Variants in STK3 observed in about 807,000 individuals in gnomAD.
STK3 encodes serine/threonine-protein kinase 3.
Under a neutral mutation model 58.0 loss-of-function variants are expected in STK3, and 41 were observed. The ratio of observed to expected loss-of-function variants is 0.71; its 90% CI spans 0.55 to 0.92. STK3 has a LOEUF of 0.92. Among genes scored for constraint, STK3 ranks in the 40% least tolerant of loss-of-function variants. The probability of loss-of-function intolerance (pLI) is 0.00; values close to 1 mark genes in which losing one functional copy is unlikely to be tolerated. For missense variants in STK3, 479 were observed against 602.7 expected (o/e 0.79, Z 2.15); for synonymous variants, 170 against 191.0 (o/e 0.89, Z 0.91).
chr8:98,801,335 G>A (rs529370202), intron 1 of STK3, among the ~76,000 whole-genome samples: 1 of 152,224 alleles, frequency 6.6e-6, no homozygotes, highest in South Asian at 2.1e-4. Context: ...TCAGATAAGG[G>A]AATAAAAGCA....
At chr8:98,686,601 A>T (rs545446867) in intron 6 of STK3, among the ~76,000 whole-genome samples, 7 of 152,328 alleles carry the variant, frequency 4.6e-5, no homozygotes, top group African/African-American at 1.7e-4. Flanking sequence ...AAATGTATGA[A>T]ATAACAGATA....
At chr8:98,450,608 G>C (rs1819155066), downstream of STK3, among the ~76,000 whole-genome samples, 1 of 152,174 alleles carries the variant, frequency 6.6e-6, no homozygotes, top group Non-Finnish European at 1.5e-5. Flanking sequence ...ACTGATAAGA[G>C]AGAATATAAT....
At chr8:98,602,178 C>T (rs1816403217) in intron 6 of STK3, 1 of 152,186 alleles carries the variant, frequency 6.6e-6, no homozygotes, top group Non-Finnish European at 1.5e-5. Flanking sequence ...ATGAAAACTA[C>T]CTGAAGGCAA....
chr8:98,774,939 CA>C (rs1831572067), intron 1 of STK3, 120 bp from the exon 2 acceptor site: 1 of 613,574 alleles, frequency 1.6e-6, no homozygotes, highest in Non-Finnish European at 2.6e-6. Flanking sequence ...AAGACTCAAA[CA>C]ATATAAAAAC....
intron 3 of STK3, among the ~76,000 whole-genome samples, chr8:98,851,730 G>A (rs764005320): frequency 6.6e-6 from 1 of 152,208 alleles, no homozygotes; most frequent in Non-Finnish European, 1.5e-5. Context: ...GAAGGTAGAG[G>A]CAGGAGAATC....
chr8:98,620,999 G>A (rs940538110), intron 6 of STK3, among the ~76,000 whole-genome samples: 2 of 147,200 alleles, frequency 1.4e-5, no homozygotes, highest in African/African-American at 2.5e-5. Context: ...GCGGGATCTC[G>A]GCTCACTGCA....
intron 4 of STK3, among the ~76,000 whole-genome samples, chr8:98,728,263 T>TA (rs954926707): frequency 6.6e-6 from 1 of 151,948 alleles, no homozygotes; most frequent in African/African-American, 2.4e-5. Flanking sequence ...TTATAAACAA[T>TA]AAAAAAAGTT....
chr8:98,719,387 G>T (rs188241907), intron 4 of STK3, among the ~76,000 whole-genome samples: 2 of 152,170 alleles, frequency 1.3e-5, no homozygotes, highest in East Asian at 3.9e-4. Flanking sequence ...TATTAACTCT[G>T]ATTTGTTATC....
intron 10 of STK3, among the ~76,000 whole-genome samples, chr8:98,462,241 A>G (rs1196452640): frequency 1.3e-5 from 2 of 152,124 alleles, no homozygotes; most frequent in African/African-American, 4.8e-5. Flanking sequence ...GCTGGAGTGC[A>G]GTGGTGTGAT....
intron 1 of STK3, among the ~76,000 whole-genome samples, chr8:98,816,344 T>C (rs73277859): frequency 0.018 from 2,735 of 152,186 alleles, 77 homozygotes; most frequent in African/African-American, 0.063. Context: ...CAAGACCCCA[T>C]GTCTACAAAT....
chr8:98,346,849 G>T, the STK3 span, among the ~76,000 whole-genome samples: 1 of 151,560 alleles, frequency 6.6e-6, no homozygotes. Flanking sequence ...ATAGATACGG[G>T]TCTACACAAC....
At chr8:98,886,397 G>A (rs897026192) in intron 1 of STK3, among the ~76,000 whole-genome samples, 7 of 152,170 alleles carry the variant, frequency 4.6e-5, no homozygotes, top group African/African-American at 1.4e-4. Context: ...CTCAAAATCT[G>A]AAATTTATTA....
chr8:98,777,238 C>A (rs541963182), intron 1 of STK3, among the ~76,000 whole-genome samples: 1 of 150,542 alleles, frequency 6.6e-6, no homozygotes, highest in African/African-American at 2.4e-5. Context: ...GGTAAAATAG[C>A]AGAAATGGGC....
At chr8:98,699,141 C>T (rs1381490703) in intron 6 of STK3, among the ~76,000 whole-genome samples, 1 of 152,212 alleles carries the variant, frequency 6.6e-6, no homozygotes, top group African/African-American at 2.4e-5. Context: ...CCCTTTCTTC[C>T]AGTTGATCGC....
chr8:98,354,880 C>A, the STK3 span, among the ~76,000 whole-genome samples: 1 of 152,152 alleles, frequency 6.6e-6, no homozygotes, highest in South Asian at 2.1e-4. Flanking sequence ...CAGGTTCAAG[C>A]GATTCTCCTG....
At chr8:98,501,502 T>C (rs982429171) in intron 10 of STK3, among the ~76,000 whole-genome samples, 5 of 152,254 alleles carry the variant, frequency 3.3e-5, no homozygotes, top group African/African-American at 9.6e-5. Flanking sequence ...TGAATGGTAT[T>C]GCCTAGGTTT....
intron 10 of STK3, among the ~76,000 whole-genome samples, chr8:98,492,739 C>G (rs1822798279): frequency 1.3e-5 from 2 of 151,976 alleles, no homozygotes; most frequent in Non-Finnish European, 2.9e-5. Flanking sequence ...AGGTGTCACC[C>G]ACACCCTGAA....
chr8:98,481,661 G>A (rs1020953669), intron 10 of STK3, among the ~76,000 whole-genome samples: 2 of 150,264 alleles, frequency 1.3e-5, no homozygotes, highest in African/African-American at 4.9e-5. Context: ...TAGCAGCCCA[G>A]CTTCACTATT....
chr8:98,774,532 T>G (rs1308721530), intron 2 of STK3, among the ~76,000 whole-genome samples: 6 of 152,168 alleles, frequency 3.9e-5, no homozygotes, highest in Admixed American at 1.3e-4. Context: ...CCCTTATATA[T>G]ATATATGGCC....
Sources: gnomAD v4.1 joint callset for allele counts (sites outside exome capture counted in the v4.1 genomes callset) on GRCh38, gnomAD v4.1.1 for gene constraint, MANE v1.5 for transcripts, NCBI Gene and HGNC (gene_info 2026-07-23, HGNC 2026-07-21) for gene names.